KCND2: variants seen among roughly 807,000 people sequenced by gnomAD.
KCND2 encodes potassium voltage-gated channel subfamily D member 2, also known as A-type voltage-gated potassium channel KCND2.
KCND2 carries 16 observed loss-of-function variants against 54.4 expected under a neutral mutation model. The observed-to-expected ratio is 0.29, with a 90% CI of 0.20 to 0.45. KCND2 has a LOEUF of 0.45. KCND2 is among the 20% of genes least tolerant of loss of function. KCND2 has a pLI of 1.00. For synonymous variants in KCND2, 317 were observed against 310.7 expected, an observed-to-expected ratio of 1.02 and a Z score of -0.21; for missense variants, 486 against 824.2, an observed-to-expected ratio of 0.59 and a Z score of 5.02.
intron 1 of KCND2, among the ~76,000 whole-genome samples, chr7:120,361,318 A>C (rs1800589633): frequency 6.6e-6 from 1 of 152,016 alleles, no homozygotes; most frequent in Non-Finnish European, 1.5e-5. Flanking sequence ...ACTCATTTTT[A>C]TAAGCAGAGC....
chr7:120,701,633 C>G (rs904000496), intron 1 of KCND2, among the ~76,000 whole-genome samples: 17 of 151,956 alleles, frequency 1.1e-4, no homozygotes, highest in Non-Finnish European at 2.4e-4. Flanking sequence ...GAATGGAGAG[C>G]CCAGAAATAA....
In KCND2 at chr7:120,748,070, T is replaced by G. The variant is rs1326454254; in HGVS notation, c.*212T>G. On this transcript the variant is annotated 3_prime_UTR_variant, in exon 6 of 6. Coordinates refer to ENST00000331113, the MANE Select transcript of KCND2 (RefSeq NM_012281.3). ...TGACCTGTTATACAGAGTAATATTC[T>G]GTGGCCCTTTGACTTTGTGAATGAG... is the stretch of plus-strand genomic sequence containing the variant. 2 of 456,126 alleles carry G rather than the reference T, an allele frequency of 4.4e-6. No homozygotes were observed. The highest frequency in any genetic ancestry group is 6.2e-5 in the South Asian group (2 of 32,494). 28.3% of individuals were successfully genotyped at this position (456,126 alleles called of 1,614,324 possible). A position where few individuals can be genotyped will look rare whatever the true frequency, so the allele number is the denominator to read the frequency against.
intron 1 of KCND2, among the ~76,000 whole-genome samples, chr7:120,476,177 A>G (rs1052045400): frequency 4.6e-5 from 7 of 152,224 alleles, no homozygotes; most frequent in African/African-American, 1.2e-4. Flanking sequence ...GTGTGACCAC[A>G]GGCAAGTCAC....
chr7:120,380,400 AGT>A (rs1008703517), intron 1 of KCND2, among the ~76,000 whole-genome samples: 5 of 151,934 alleles, frequency 3.3e-5, no homozygotes, highest in African/African-American at 1.2e-4. Context: ...TAGGTCAGAG[AGT>A]GTGTAGGTGA....
chr7:120,522,567 T>C (rs1458251273), intron 1 of KCND2, among the ~76,000 whole-genome samples: 1 of 152,186 alleles, frequency 6.6e-6, no homozygotes, highest in African/African-American at 2.4e-5. Flanking sequence ...TTTGTTATGA[T>C]TACCATGTAA....
chr7:120,376,367 T>G (rs1381172620), intron 1 of KCND2, among the ~76,000 whole-genome samples: 1 of 151,548 alleles, frequency 6.6e-6, no homozygotes, highest in Non-Finnish European at 1.5e-5. Flanking sequence ...AATTTTGGAT[T>G]TTCTTTGAAT....
chr7:120,605,306 A>G (rs1007450021), intron 1 of KCND2, among the ~76,000 whole-genome samples: 1 of 152,196 alleles, frequency 6.6e-6, no homozygotes, highest in Non-Finnish European at 1.5e-5. Context: ...ACTTTATGTA[A>G]ATGCAGTCAT....
intron 1 of KCND2, among the ~76,000 whole-genome samples, chr7:120,558,192 T>G (rs1230109068): frequency 6.6e-6 from 1 of 152,144 alleles, no homozygotes; most frequent in East Asian, 1.9e-4. Context: ...AGGATACGCC[T>G]CCAACCAATT....
At position 120,381,638 on chromosome 7, in the gene KCND2, C is replaced by G. The variant is rs147625312; in HGVS notation, c.1115+105891C>G. ...ACTGTCATTTGTAATTTCAGTTATA[C>G]CTGGGGAAGATTCGATTATCCTCAG... On this transcript the variant is annotated intron_variant, in intron 1 of 5. Coordinates refer to ENST00000331113, the MANE Select transcript of KCND2 (RefSeq NM_012281.3). 7.6e-3 allele frequency among the ~76,000 whole-genome samples: 1,150 copies of G among 152,022 alleles called. 57 individuals are homozygous for G. The highest frequency in any genetic ancestry group is 0.07 in the Admixed American group (1,073 of 15,234).
intron 1 of KCND2, among the ~76,000 whole-genome samples, chr7:120,289,081 G>C (rs62470465): frequency 0.27 from 4,119 of 15,288 alleles, 200 homozygotes; most frequent in Middle Eastern, 0.44. Flanking sequence ...CACACACAGA[G>C]AGAGAGAGAG....
At chr7:120,741,744 C>T in intron 3 of KCND2, 115 bp downstream of exon 3, 1 of 778,100 alleles carries the variant, frequency 1.3e-6, no homozygotes, top group South Asian at 1.5e-5. Flanking sequence ...ATCCAAACAA[C>T]AAAAGTGTGT....
At chr7:120,542,902 G>A (rs1472845838) in intron 1 of KCND2, among the ~76,000 whole-genome samples, 2 of 152,200 alleles carry the variant, frequency 1.3e-5, no homozygotes, top group Non-Finnish European at 2.9e-5. Context: ...GCAGTCCAGC[G>A]AGGTAAGGAT....
intron 3 of KCND2, 25 bp downstream of exon 3, chr7:120,741,654 T>G: frequency 6.7e-7 from 1 of 1,489,472 alleles, no homozygotes; most frequent in Non-Finnish European, 9.4e-7. Flanking sequence ...ATCTCTTTTT[T>G]TAATGTTCAA....
chr7:120,510,108 A>G (rs1457974181), intron 1 of KCND2, among the ~76,000 whole-genome samples: 1 of 152,090 alleles, frequency 6.6e-6, no homozygotes, highest in Non-Finnish European at 1.5e-5. Flanking sequence ...TAGCGCTAAT[A>G]TTCTTGCTGA....
At chr7:120,317,126 C>T (rs970322043) in intron 1 of KCND2, among the ~76,000 whole-genome samples, 4 of 152,040 alleles carry the variant, frequency 2.6e-5, no homozygotes, top group African/African-American at 9.7e-5. Context: ...TGAGCCACCA[C>T]GCCGGGCCCT....
intron 1 of KCND2, among the ~76,000 whole-genome samples, chr7:120,459,323 C>T (rs1000779260): frequency 6.6e-6 from 1 of 152,124 alleles, no homozygotes; most frequent in Non-Finnish European, 1.5e-5. Flanking sequence ...CTGGAATGCT[C>T]TTCCCTCAAT....
chr7:120,406,503 T>A (rs1801360791), intron 1 of KCND2, among the ~76,000 whole-genome samples: 1 of 152,010 alleles, frequency 6.6e-6, no homozygotes, highest in African/African-American at 2.4e-5. Flanking sequence ...TTTAATGACT[T>A]TTTTTCAAAA....
Position 120,275,367 on chromosome 7 carries a change from G to A in KCND2, c.735G>A (p.Leu245=). 1 of 1,613,756 alleles carries A rather than the reference G, an allele frequency of 6.2e-7. No individual in the cohort carries two copies. ...ACVMIFTVEY[L]LRLAAAPSRY... is the part of the protein sequence containing the mutation. ...TCATGATCTTCACAGTTGAGTATTT[G>A]CTTCGCCTGGCTGCAGCGCCTAGTC... Residue 245 remains leucine (L), a synonymous_variant, in exon 1 of 6, where the codon TTG becomes TTA. Transcript: ENST00000331113.
intron 1 of KCND2, among the ~76,000 whole-genome samples, chr7:120,600,915 A>G (rs1353545401): frequency 1.3e-5 from 2 of 152,120 alleles, no homozygotes; most frequent in Non-Finnish European, 2.9e-5. Context: ...ATACCCCATT[A>G]TGTACTATAC....
Sources: allele counts gnomAD v4.1 joint callset (sites outside exome capture counted in the v4.1 genomes callset), GRCh38; gene constraint gnomAD v4.1.1; transcripts MANE v1.5; gene names NCBI Gene and HGNC (gene_info 2026-07-23, HGNC 2026-07-21).